Variants in HHAT observed in about 807,000 individuals in gnomAD.
HHAT encodes protein-cysteine N-palmitoyltransferase HHAT.
HHAT carries 47 observed loss-of-function variants against 70.8 expected under a neutral mutation model. The observed-to-expected ratio is 0.66, with a 90% CI of 0.53 to 0.85. HHAT has a LOEUF of 0.85. Ranked by LOEUF, HHAT falls within the 40% of genes least tolerant of loss-of-function variation. The pLI, the probability that HHAT is intolerant of heterozygous loss-of-function variation, is 0.00. For synonymous variants in HHAT, 228 were observed against 247.6 expected (o/e 0.92, Z 0.74); for missense variants, 609 against 604.8 (o/e 1.01, Z -0.07).
At chr1:210,504,663 A>G (rs2148556341) in intron 8 of HHAT, among the ~76,000 whole-genome samples, 1 of 152,180 alleles carries the variant, frequency 6.6e-6, no homozygotes, top group Non-Finnish European at 1.5e-5. Flanking sequence ...CTCCTTCCTG[A>G]TGATCTGATG....
chr1:210,533,011 C>A (rs376151118), intron 9 of HHAT, among the ~76,000 whole-genome samples: 1 of 152,152 alleles, frequency 6.6e-6, no homozygotes, highest in South Asian at 2.1e-4. Context: ...CTGGAATATA[C>A]CCTAGTTGAG....
chr1:210,583,919 T>C (rs541474489), intron 9 of HHAT, among the ~76,000 whole-genome samples: 2 of 151,802 alleles, frequency 1.3e-5, no homozygotes, highest in South Asian at 4.2e-4. Context: ...TTGTGTGCTA[T>C]GGTTTTCTGA....
At chr1:210,370,610 ATTT>A (rs10664778) in intron 3 of HHAT, among the ~76,000 whole-genome samples, 1 of 98,340 alleles carries the variant, frequency 1.0e-5, no homozygotes. Flanking sequence ...TGCAGATGCT[ATTT>A]TTTTTTTTTT....
At chr1:210,559,374 A>G (rs1272183666) in intron 9 of HHAT, among the ~76,000 whole-genome samples, 2 of 152,214 alleles carry the variant, frequency 1.3e-5, no homozygotes, top group African/African-American at 4.8e-5. Flanking sequence ...ATATCTGTTG[A>G]ATAAATGGAG....
At chr1:210,647,055 A>C (rs1674200035) in intron 11 of HHAT, among the ~76,000 whole-genome samples, 1 of 152,190 alleles carries the variant, frequency 6.6e-6, no homozygotes, top group African/African-American at 2.4e-5. Context: ...GAGTTTAGGT[A>C]ACAGAAATTT....
In HHAT at chr1:210,674,583, C is replaced by A. The variant is rs980798592; in HGVS notation, c.*204C>A. 2.7e-5 allele frequency: 15 copies of A among 550,096 alleles called. No individual in the cohort carries two copies. Among genetic ancestry groups the A allele is most frequent in the Non-Finnish European group, 3.9e-5 (12 of 309,520 alleles). 34.1% of individuals were successfully genotyped at this position (550,096 alleles called of 1,614,324 possible). Reference sequence around the variant, plus strand: ...ATCTGGAGTCTTTGAGATCTTCTACCCCAACTCATCATTTTCCTATTGAGG... The same window carrying A: ...ATCTGGAGTCTTTGAGATCTTCTACACCAACTCATCATTTTCCTATTGAGG... On this transcript the variant is annotated 3_prime_UTR_variant, in exon 12 of 12. Transcript: ENST00000261458.
intron 8 of HHAT, among the ~76,000 whole-genome samples, chr1:210,509,638 A>G (rs1455708836): frequency 6.6e-6 from 1 of 152,128 alleles, no homozygotes; most frequent in African/African-American, 2.4e-5. Context: ...AGTGCCTGGC[A>G]CATGCTAAGC....
At chr1:210,504,294 A>G (rs1324600789) in intron 8 of HHAT, among the ~76,000 whole-genome samples, 1 of 152,232 alleles carries the variant, frequency 6.6e-6, no homozygotes, top group Non-Finnish European at 1.5e-5. Context: ...AGGATTCTTA[A>G]TGACGTCTAA....
chr1:210,579,720 C>T (rs1270639131), intron 9 of HHAT, among the ~76,000 whole-genome samples: 6 of 152,184 alleles, frequency 3.9e-5, no homozygotes, highest in Admixed American at 3.3e-4. Context: ...TCAAGCACTG[C>T]GCTCTTTCTT....
At chr1:210,441,604 T>C (rs758873642) in intron 7 of HHAT, among the ~76,000 whole-genome samples, 3 of 152,220 alleles carry the variant, frequency 2.0e-5, no homozygotes, top group Non-Finnish European at 4.4e-5. Flanking sequence ...TCACCAAAGA[T>C]ATTAGTTCAA....
intron 1 of HHAT, chr1:210,329,384 C>T (rs2084788881): frequency 8.6e-7 from 1 of 1,156,684 alleles, no homozygotes; most frequent in East Asian, 4.0e-5. Flanking sequence ...TTGGCTTCGT[C>T]CCCAGCTTCC....
intron 9 of HHAT, among the ~76,000 whole-genome samples, chr1:210,566,788 CA>C (rs971973787): frequency 6.6e-6 from 1 of 152,186 alleles, no homozygotes; most frequent in African/African-American, 2.4e-5. Context: ...ATTCATCCTT[CA>C]AGTCTGTGTG....
At chr1:210,419,147 T>C (rs980400353) in intron 7 of HHAT, among the ~76,000 whole-genome samples, 1 of 152,206 alleles carries the variant, frequency 6.6e-6, no homozygotes, top group African/African-American at 2.4e-5. Flanking sequence ...CACCCTCATC[T>C]GTAAAATAGG....
intron 10 of HHAT, among the ~76,000 whole-genome samples, chr1:210,611,371 C>T (rs547006532): frequency 1.2e-3 from 189 of 152,218 alleles, no homozygotes; most frequent in Non-Finnish European, 2.0e-3. Context: ...TATGCTGAGA[C>T]TTTGCTGAAG....
chr1:210,414,750 G>A (rs946743972), intron 6 of HHAT, among the ~76,000 whole-genome samples: 5 of 152,152 alleles, frequency 3.3e-5, no homozygotes, highest in Non-Finnish European at 5.9e-5. Context: ...GGGTGTGATG[G>A]CTCACACCTG....
At chr1:210,448,921 T>C (rs2093690061) in intron 7 of HHAT, among the ~76,000 whole-genome samples, 1 of 152,106 alleles carries the variant, frequency 6.6e-6, no homozygotes, top group South Asian at 2.1e-4. Flanking sequence ...ACCGCTTCTG[T>C]CCCTCACCTC....
chr1:210,589,759 G>A (rs1039428959), intron 10 of HHAT: 1 of 152,152 alleles, frequency 6.6e-6, no homozygotes, highest in Non-Finnish European at 1.5e-5. Context: ...AATAAATCAA[G>A]GCATCAAGCA....
chr1:210,568,917 C>A (rs911097216), intron 9 of HHAT, among the ~76,000 whole-genome samples: 4 of 152,128 alleles, frequency 2.6e-5, no homozygotes, highest in Non-Finnish European at 5.9e-5. Flanking sequence ...AAATGGGGCT[C>A]AGTTTTGTGG....
In HHAT at chr1:210,675,802, C is replaced by T. The variant is rs1680993382; in HGVS notation, c.*1423C>T. The stretch of plus-strand genomic sequence containing the variant: ...AGGCACATTATGTGTTAAAGCAAGA[C>T]AGAGGCCAGAGAGGGGCAGGTAGAC... On this transcript the variant is annotated 3_prime_UTR_variant, in exon 12 of 12. Coordinates refer to ENST00000261458, the MANE Select transcript of HHAT (RefSeq NM_018194.6). The T allele has an allele frequency of 6.6e-6, 1 of 152,184 alleles. No individual in the cohort carries two copies. The allele number at this position is 152,184 out of a possible 1,614,324, so 9.4% of individuals were successfully genotyped here. A position where few individuals can be genotyped will look rare whatever the true frequency, so the allele number is the denominator to read the frequency against.
Sources: allele counts gnomAD v4.1 joint callset (sites outside exome capture counted in the v4.1 genomes callset), GRCh38; gene constraint gnomAD v4.1.1; transcripts MANE v1.5; gene names NCBI Gene and HGNC (gene_info 2026-07-23, HGNC 2026-07-21).